The following ITFG1 variants were observed in gnomAD, a reference collection of about 807,000 sequenced individuals.
The protein encoded by ITFG1 is integrin alpha FG-GAP repeat containing 1.
Under a neutral mutation model 81.8 loss-of-function variants are expected in ITFG1, and 34 were observed. The ratio of observed to expected loss-of-function variants is 0.42; its 90% CI spans 0.32 to 0.55. The LOEUF is 0.55. Among genes scored for constraint, ITFG1 ranks in the 20% least tolerant of loss-of-function variants. ITFG1 has a pLI of 0.17. For synonymous variants in ITFG1, 285 were observed against 270.6 expected (o/e 1.05, Z -0.52); for missense variants, 672 against 755.4 (o/e 0.89, Z 1.29).
At chr16:47,308,923 C>T (rs550822936) in intron 10 of ITFG1, among the ~76,000 whole-genome samples, 18 of 152,192 alleles carry the variant, frequency 1.2e-4, no homozygotes, top group African/African-American at 3.6e-4. Context: ...AACATTTTGA[C>T]TGTATCATAC....
chr16:47,161,981 T>C, intron 15 of ITFG1, 149 bp from the exon 16 acceptor site: 1 of 579,088 alleles, frequency 1.7e-6, no homozygotes, highest in South Asian at 2.3e-5. Context: ...AAGCCAAAAA[T>C]AAGGCTTTTG....
chr16:47,307,281 T>G (rs1271517368), intron 10 of ITFG1, among the ~76,000 whole-genome samples: 5 of 152,036 alleles, frequency 3.3e-5, no homozygotes, highest in Non-Finnish European at 1.5e-5. Context: ...GGGTATTTAT[T>G]AAAACTTTAA....
chr16:47,163,796 T>C (rs1271662110), intron 14 of ITFG1, among the ~76,000 whole-genome samples: 1 of 152,164 alleles, frequency 6.6e-6, no homozygotes, highest in African/African-American at 2.4e-5. Context: ...TCTTTTGTAT[T>C]ATAGCCATGC....
chr16:47,377,535 TATC>T (rs1485988795), intron 6 of ITFG1, among the ~76,000 whole-genome samples: 1 of 152,204 alleles, frequency 6.6e-6, no homozygotes, highest in Non-Finnish European at 1.5e-5. Context: ...CGCCAGATTT[TATC>T]ATGTTTTTTG....
intron 12 of ITFG1, among the ~76,000 whole-genome samples, chr16:47,242,051 T>C (rs1386284261): frequency 1.3e-5 from 2 of 151,950 alleles, no homozygotes; most frequent in Admixed American, 6.6e-5. Flanking sequence ...GCAGTGATGG[T>C]TGCACAACGC....
intron 6 of ITFG1, among the ~76,000 whole-genome samples, chr16:47,418,810 T>C (rs978345509): frequency 6.6e-6 from 1 of 152,226 alleles, no homozygotes; most frequent in Non-Finnish European, 1.5e-5. Flanking sequence ...TAGCACATTT[T>C]AAACTCAGGC....
intron 6 of ITFG1, among the ~76,000 whole-genome samples, chr16:47,379,056 C>T (rs926075744): frequency 2.0e-5 from 3 of 152,132 alleles, no homozygotes; most frequent in Non-Finnish European, 4.4e-5. Flanking sequence ...GGAACAACTT[C>T]GGCTGAAAAG....
At chr16:47,160,820 T>G (rs77097115) in intron 16 of ITFG1, among the ~76,000 whole-genome samples, 7,600 of 152,248 alleles carry the variant, frequency 0.05, 263 homozygotes, top group Middle Eastern at 0.1. Flanking sequence ...CCATAACTGA[T>G]TTCAGTGTGA....
chr16:47,243,963 G>A (rs552841845), intron 12 of ITFG1, among the ~76,000 whole-genome samples: 103 of 152,256 alleles, frequency 6.8e-4, no homozygotes, highest in African/African-American at 2.4e-3. Context: ...CCTGGGAGGC[G>A]GAAGTTGCAG....
At chr16:47,326,937 C>A (rs1967555438) in intron 8 of ITFG1, among the ~76,000 whole-genome samples, 1 of 152,148 alleles carries the variant, frequency 6.6e-6, no homozygotes, top group Non-Finnish European at 1.5e-5. Flanking sequence ...CCCCATCAAG[C>A]TACCAATGAC....
chr16:47,251,440 C>G (rs1481835241), intron 12 of ITFG1, among the ~76,000 whole-genome samples: 1 of 151,962 alleles, frequency 6.6e-6, no homozygotes, highest in Non-Finnish European at 1.5e-5. Flanking sequence ...GTGACCCACC[C>G]CGCCCGCACT....
chr16:47,426,873 T>G (rs2151608854), intron 6 of ITFG1, among the ~76,000 whole-genome samples: 1 of 152,292 alleles, frequency 6.6e-6, no homozygotes, highest in East Asian at 1.9e-4. Context: ...TAAGTTTTAT[T>G]ACATCTCACA....
At chr16:47,436,807 C>T (rs1027139538) in intron 5 of ITFG1, among the ~76,000 whole-genome samples, 3 of 152,124 alleles carry the variant, frequency 2.0e-5, no homozygotes, top group African/African-American at 7.2e-5. Context: ...TGGAAAGCCC[C>T]TGAGTTGTAA....
At chr16:47,419,391 C>T (rs1420336100) in intron 6 of ITFG1, among the ~76,000 whole-genome samples, 1 of 152,036 alleles carries the variant, frequency 6.6e-6, no homozygotes, top group African/African-American at 2.4e-5. Flanking sequence ...ATCTCAGCCT[C>T]CCAAGCAGCT....
At chr16:47,238,133 AT>A in intron 12 of ITFG1, 125 bp from the exon 13 acceptor site, 1 of 603,604 alleles carries the variant, frequency 1.7e-6, no homozygotes. Context: ...AACCAATTCA[AT>A]TTCTTTAGAT....
intron 6 of ITFG1, among the ~76,000 whole-genome samples, chr16:47,400,606 G>A (rs1968648597): frequency 2.0e-5 from 3 of 152,122 alleles, no homozygotes. Context: ...AAATAACCAA[G>A]TACACAGAAT....
At chr16:47,421,720 G>A (rs549334443) in intron 6 of ITFG1, among the ~76,000 whole-genome samples, 2 of 152,218 alleles carry the variant, frequency 1.3e-5, no homozygotes, top group East Asian at 3.9e-4. Flanking sequence ...GGGTACATGT[G>A]CACAACGTGC....
intron 8 of ITFG1, among the ~76,000 whole-genome samples, chr16:47,326,128 AT>A (rs1376769526): frequency 6.6e-6 from 1 of 152,232 alleles, no homozygotes; most frequent in African/African-American, 2.4e-5. Context: ...ATCCACCATG[AT>A]CAAGTGGGCA....
chr16:47,402,625 C>T (rs753067608), intron 6 of ITFG1, among the ~76,000 whole-genome samples: 2 of 152,226 alleles, frequency 1.3e-5, no homozygotes, highest in Admixed American at 6.5e-5. Context: ...ACTATTTCCA[C>T]TTGGTATCAA....
Sources: gnomAD v4.1 joint callset for allele counts (sites outside exome capture counted in the v4.1 genomes callset) on GRCh38, gnomAD v4.1.1 for gene constraint, MANE v1.5 for transcripts, NCBI Gene and HGNC (gene_info 2026-07-23, HGNC 2026-07-21) for gene names.